Variants in PP2D1 observed in about 807,000 individuals in gnomAD.
The protein encoded by PP2D1 is protein phosphatase 2C like domain containing 1.
PP2D1 carries 25 observed loss-of-function variants against 30.2 expected under a neutral mutation model. That is an observed-to-expected ratio of 0.83 (90% confidence interval 0.60 to 1.16). PP2D1 has a LOEUF of 1.16. Ranked by LOEUF, PP2D1 falls within the 50% of genes most tolerant of loss-of-function variation. PP2D1 has a pLI of 0.00. For synonymous variants in PP2D1, 260 were observed against 258.9 expected (o/e 1.00, Z -0.04); for missense variants, 760 against 742.4 (o/e 1.02, Z -0.28).
chr3:19,983,485 A>G (rs997961517), downstream of PP2D1, among the ~76,000 whole-genome samples: 1 of 152,134 alleles, frequency 6.6e-6, no homozygotes, highest in Admixed American at 6.6e-5. Flanking sequence ...ACCAGTCCCC[A>G]TCTACCGTTC....
downstream of PP2D1, among the ~76,000 whole-genome samples, chr3:19,983,377 G>T (rs1696969743): frequency 1.3e-5 from 2 of 149,686 alleles, no homozygotes; most frequent in African/African-American, 4.9e-5. Context: ...GTAATAATGA[G>T]TATAAAATAA....
chr3:20,002,126 C>A, intron 1 of PP2D1, 30 bp from the exon 2 acceptor site: 10 of 1,420,002 alleles, frequency 7.0e-6, no homozygotes, highest in Non-Finnish European at 9.5e-6. Context: ...TATTTACATG[C>A]CAGGATGATG....
intron 1 of PP2D1, 135 bp from the exon 2 acceptor site, chr3:20,002,231 AT>A: frequency 1.6e-6 from 1 of 621,648 alleles, no homozygotes; most frequent in Non-Finnish European, 2.8e-6. Context: ...TCTGAGTCAT[AT>A]TTCTCAAAAA....
intron 2 of PP2D1, among the ~76,000 whole-genome samples, chr3:19,997,602 A>G (rs987134203): frequency 5.9e-5 from 9 of 152,220 alleles, no homozygotes; most frequent in Non-Finnish European, 1.3e-4. Flanking sequence ...GTAAAGATAC[A>G]GGGTCAACTT....
In PP2D1 at chr3:20,001,924, A is replaced by T. The variant is rs1003909176; in HGVS notation, c.196T>A (p.Cys66Ser). 3.9e-6 allele frequency: 6 copies of T among 1,536,294 alleles called. No homozygotes were observed. In the African/African-American group the frequency reaches 8.2e-5, roughly 21 times the overall value. ...QVYEQGTTLPCSICKHEIDLT... is the reference protein window; with the variant it reads ...QVYEQGTTLPSSICKHEIDLT... ...TCAATTTCGTGCTTGCATATGGAAC[A>T]GGGTAATGTGGTCCCTTGCTCATAG... The change falls in exon 2 of 3, where the codon TGT becomes AGT. Residue 66 changes from cysteine (C) to serine (S), a missense_variant. Physicochemically the swap from Cys to Ser is moderately radical, Grantham distance 112. Coordinates refer to ENST00000389050, the MANE Select transcript of PP2D1 (RefSeq NM_001252657.2).
At chr3:20,001,005 A>G (rs1246220547) in intron 2 of PP2D1, 25 bp downstream of exon 2, 2 of 1,241,698 alleles carry the variant, frequency 1.6e-6, no homozygotes, top group African/African-American at 1.5e-5. Flanking sequence ...TAAAGGTGTT[A>G]TTTGGTGCTA....
In PP2D1 at chr3:20,001,851, G is replaced by A. The variant is rs143624104; in HGVS notation, c.269C>T (p.Thr90Met). The A allele has an allele frequency of 8.3e-5, 128 of 1,535,606 alleles. No homozygotes were observed. The highest frequency in any genetic ancestry group is 1.7e-4 in the Middle Eastern group (1 of 5,968). ...LHKKQHVALA[T>M]LGFQWMGRKK... ...TCTACCCATCCATTGGAAACCCAGC[G>A]TGGCCAGAGCTACATGTTGCTTCTT... Residue 90 changes from threonine to methionine, a missense_variant, in exon 2 of 3, where the codon ACG becomes ATG. This residue lies in a region of PP2D1 where 374 missense variants were observed against 388.8 expected (regional missense o/e 0.96). Coordinates refer to ENST00000389050, the MANE Select transcript of PP2D1 (RefSeq NM_001252657.2).
intron 2 of PP2D1, among the ~76,000 whole-genome samples, chr3:19,992,288 A>G (rs1697127979): frequency 6.6e-6 from 1 of 152,156 alleles, no homozygotes; most frequent in Non-Finnish European, 1.5e-5. Flanking sequence ...TATGTGTGAA[A>G]TATTTGTTGA....
chr3:20,012,081 G>C lies in PP2D1; in HGVS notation c.-9C>G. The C allele has an allele frequency of 6.5e-7, 1 of 1,531,308 alleles. No homozygotes were observed. Among genetic ancestry groups the C allele is most frequent in the Non-Finnish European group, 8.7e-7 (1 of 1,143,888 alleles). 94.9% of individuals were successfully genotyped at this position (1,531,308 alleles called of 1,614,324 possible). A position where few individuals can be genotyped will look rare whatever the true frequency, so the allele number is the denominator to read the frequency against. Reference sequence around the variant, plus strand: ...GCATTATTGGTGCTCATGTTCCTTTGGAATTACCTTTCTTTGCCCTCCCTT... The same window carrying C: ...GCATTATTGGTGCTCATGTTCCTTTCGAATTACCTTTCTTTGCCCTCCCTT... On this transcript the variant is annotated 5_prime_UTR_variant, in exon 1 of 3. Coordinates refer to ENST00000389050, the MANE Select transcript of PP2D1 (RefSeq NM_001252657.2).
Position 20,001,152 on chromosome 3 carries a change from G to T in PP2D1, c.968C>A (p.Pro323His). ...SAVTCILEGK[P>H]KSPYAHKNWK... Reference sequence around the variant, plus strand: ...ATTCTTATGAGCATAAGGACTTTTAGGTTTGCCTTCCAATATACAAGTAAC... The same window carrying T: ...ATTCTTATGAGCATAAGGACTTTTATGTTTGCCTTCCAATATACAAGTAAC... Residue 323 changes from proline to histidine, a missense_variant, in exon 2 of 3, where the codon CCT becomes CAT. Coordinates refer to ENST00000389050, the MANE Select transcript of PP2D1 (RefSeq NM_001252657.2). 9.5e-6 allele frequency: 14 copies of T among 1,471,906 alleles called. No homozygotes were observed. Among genetic ancestry groups the T allele is most frequent in the Non-Finnish European group, 1.3e-5 (14 of 1,115,738 alleles). 91.2% of individuals were successfully genotyped at this position (1,471,906 alleles called of 1,614,324 possible).
chr3:19,994,757 A>C (rs934677961), intron 2 of PP2D1, among the ~76,000 whole-genome samples: 1 of 152,244 alleles, frequency 6.6e-6, no homozygotes, highest in Non-Finnish European at 1.5e-5. Flanking sequence ...TGCTGAGGAC[A>C]GAATACCAGA....
chr3:19,988,207 C>G (rs1438949025), intron 2 of PP2D1, among the ~76,000 whole-genome samples: 1 of 152,176 alleles, frequency 6.6e-6, no homozygotes, highest in Non-Finnish European at 1.5e-5. Context: ...CTAGGCGGAA[C>G]AGAGCCATAT....
chr3:19,990,522 A>G (rs1697103660), intron 2 of PP2D1, among the ~76,000 whole-genome samples: 1 of 144,298 alleles, frequency 6.9e-6, no homozygotes, highest in African/African-American at 2.7e-5. Flanking sequence ...GCGTTTCTTA[A>G]CTATTTGTGT....
rs1575081477 is a variant in PP2D1, at chr3:19,985,385, T to C, written c.1888A>G (p.Thr630Ala). ...ATAATTGGAACTTTATTTTTTTATG[T>C]CAGAAGCTGATATTCACTTCCATTG... ...FLNGSEYQLL[T>A] The change falls in exon 3 of 3, where the codon ACA (threonine) becomes GCA (alanine). Residue 630 changes from threonine (T) to alanine (A), a missense_variant. This residue lies in a region of PP2D1 where 369 missense variants were observed against 316.2 expected (regional missense o/e 1.17). Coordinates refer to ENST00000389050, the MANE Select transcript of PP2D1 (RefSeq NM_001252657.2). 1 of 1,523,450 alleles carries C rather than the reference T, an allele frequency of 6.6e-7. No individual in the cohort carries two copies. Among genetic ancestry groups the C allele is most frequent in the Non-Finnish European group, 8.8e-7 (1 of 1,140,152 alleles). 94.4% of individuals were successfully genotyped at this position (1,523,450 alleles called of 1,614,324 possible). A position where few individuals can be genotyped will look rare whatever the true frequency, so the allele number is the denominator to read the frequency against.
In PP2D1 at chr3:19,985,995, G is replaced by A; in HGVS notation, c.1278C>T (p.Leu426=). The A allele has an allele frequency of 6.5e-7, 1 of 1,536,064 alleles. No individual in the cohort carries two copies. Among genetic ancestry groups the A allele is most frequent in the Non-Finnish European group, 8.7e-7 (1 of 1,146,854 alleles). The change falls in exon 3 of 3, where the codon CTC becomes CTT. Residue 426 remains leucine (L), a synonymous_variant. Coordinates refer to ENST00000389050, the MANE Select transcript of PP2D1 (RefSeq NM_001252657.2). ...CTGGGATAATGGATTTTTTCAGCTT[G>A]AGATTTCCATGAAATCCAAGTCCTC... is the stretch of plus-strand genomic sequence containing the variant. ...TTRGLGFHGN[L]KLKKSIIPAP...
rs192593782 is a variant in PP2D1, at chr3:20,009,834, A to G, written c.23+2216T>C. 5.9e-5 allele frequency among the ~76,000 whole-genome samples: 9 copies of G among 152,326 alleles called. No individual in the cohort carries two copies. In the East Asian group the frequency reaches 1.7e-3, roughly 29 times the overall value. ...TGTATTTAATTCCATGAAGCGTACA[A>G]CTGTATTGGATACAGCTACTTATCC... is the stretch of plus-strand genomic sequence containing the variant. On this transcript the variant is annotated intron_variant, in intron 1 of 2. Transcript: ENST00000389050.
At position 19,985,913 on chromosome 3, in the gene PP2D1, T is replaced by C. The variant is rs1314010497; in HGVS notation, c.1360A>G (p.Thr454Ala). The C allele has an allele frequency of 6.5e-7, 1 of 1,536,442 alleles. No homozygotes were observed. Among genetic ancestry groups the C allele is most frequent in the Non-Finnish European group, 8.7e-7 (1 of 1,146,970 alleles). Residue 454 changes from threonine (T) to alanine (A), a missense_variant, in exon 3 of 3, where the codon ACT becomes GCT. Thr to Ala is a moderately conservative substitution (Grantham distance 58). Coordinates refer to ENST00000389050, the MANE Select transcript of PP2D1 (RefSeq NM_001252657.2). ...DDLCQFLIVA[T>A]NGLWEVLDKE... ...TCCAAAACTTCCCAAAGTCCATTAG[T>C]AGCTACAATAAGGAATTGACATAGG...
Position 20,001,237 on chromosome 3 carries a change from T to C in PP2D1, c.883A>G (p.Arg295Gly). ...TCTTTTCTTCCAAGACCTAAAAGCCTATCCATTCTCCAAAATGCTTTTGCA... is the reference window on the plus strand; with the variant it reads ...TCTTTTCTTCCAAGACCTAAAAGCCCATCCATTCTCCAAAATGCTTTTGCA... ...AFAKAFWRMDRLLGLGRKEVS... is the reference protein window; with the variant it reads ...AFAKAFWRMDGLLGLGRKEVS... The change falls in exon 2 of 3, where the codon AGG (arginine) becomes GGG (glycine). Residue 295 changes from arginine to glycine, a missense_variant. This residue lies in a region of PP2D1 where 374 missense variants were observed against 388.8 expected (regional missense o/e 0.96). Transcript: ENST00000389050. 1 of 1,536,094 alleles carries C rather than the reference T, an allele frequency of 6.5e-7. No homozygotes were observed. The highest frequency in any genetic ancestry group is 1.2e-5 in the South Asian group (1 of 84,040).
At chr3:19,987,667 T>C (rs889722773) in intron 2 of PP2D1, among the ~76,000 whole-genome samples, 2 of 152,222 alleles carry the variant, frequency 1.3e-5, no homozygotes, top group East Asian at 1.9e-4. Flanking sequence ...CGCCACTCTT[T>C]GGGAGGCTGA....
Sources: gnomAD v4.1 joint callset for allele counts (sites outside exome capture counted in the v4.1 genomes callset) on GRCh38, gnomAD v4.1.1 for gene constraint, gnomAD v4.1.1 regional missense constraint, MANE v1.5 for transcripts, NCBI Gene and HGNC (gene_info 2026-07-23, HGNC 2026-07-21) for gene names.